GOLGA4: variants seen among roughly 807,000 people sequenced by gnomAD.
GOLGA4 encodes the protein golgin subfamily A member 4.
A neutral mutation model predicts 265.9 loss-of-function variants in GOLGA4; 169 were observed. The observed-to-expected ratio is 0.64, with a 90% CI of 0.56 to 0.72. The LOEUF is 0.72. GOLGA4 is among the 30% of genes least tolerant of loss of function. GOLGA4 has a pLI of 0.00. For missense variants in GOLGA4, 2,482 were observed against 2,483.4 expected (o/e 1.00, Z 0.01); for synonymous variants, 923 against 855.8 (o/e 1.08, Z -1.37).
Position 37,366,462 on chromosome 3 carries a change from G to A in GOLGA4, c.*416G>A, listed in dbSNP as rs958506268. On this transcript the variant is annotated 3_prime_UTR_variant, in exon 24 of 24. Coordinates refer to ENST00000361924, the MANE Select transcript of GOLGA4 (RefSeq NM_002078.5). ...AGACTTGTGCAATACATTTTGAGGTGAAACTTAGTGGATTTTTTCTGATAA... is the reference window on the plus strand; with the variant it reads ...AGACTTGTGCAATACATTTTGAGGTAAAACTTAGTGGATTTTTTCTGATAA... 7 of 205,252 alleles carry A rather than the reference G, an allele frequency of 3.4e-5. No individual in the cohort carries two copies. The highest frequency in any genetic ancestry group is 5.8e-5 in the Non-Finnish European group (6 of 103,446). 12.7% of individuals were successfully genotyped at this position (205,252 alleles called of 1,614,324 possible).
chr3:37,355,234 T>G, intron 22 of GOLGA4, 47 bp downstream of exon 22: 1 of 957,464 alleles, frequency 1.0e-6, no homozygotes, highest in South Asian at 1.3e-5. Flanking sequence ...TTCCCATCTG[T>G]TTATATTCTG....
At chr3:37,363,182 G>C (rs17265928) in intron 23 of GOLGA4, among the ~76,000 whole-genome samples, 1 of 151,828 alleles carries the variant, frequency 6.6e-6, no homozygotes, top group Non-Finnish European at 1.5e-5. Flanking sequence ...ATCCAGAACT[G>C]TCTTATTTTT....
Position 37,259,276 on chromosome 3 carries a change from C to G in GOLGA4, c.162+7792C>G, listed in dbSNP as rs1392340316. Among the ~76,000 whole-genome samples the G allele has an allele frequency of 2.6e-5, 4 of 152,156 alleles. No individual in the cohort carries two copies. In the East Asian group the frequency reaches 7.7e-4, roughly 29 times the overall value. On this transcript the variant is annotated intron_variant, in intron 2 of 23. Transcript: ENST00000361924. The stretch of plus-strand genomic sequence containing the variant: ...TAAATTAAACTAAATTTGGCCTGAG[C>G]CTACCTGTATATCTTGAGTCCCTCT...
intron 20 of GOLGA4, among the ~76,000 whole-genome samples, chr3:37,344,718 A>G (rs1235509451): frequency 6.6e-6 from 1 of 152,072 alleles, no homozygotes; most frequent in African/African-American, 2.4e-5. Flanking sequence ...AGAATTGTTT[A>G]TTCTTAACTC....
At position 37,302,297 on chromosome 3, in the gene GOLGA4, A is replaced by T; in HGVS notation, c.1199A>T (p.Glu400Val). The change falls in exon 10 of 24, where the codon GAA becomes GTA. Residue 400 changes from glutamate (E) to valine (V), a missense_variant. Coordinates refer to ENST00000361924, the MANE Select transcript of GOLGA4 (RefSeq NM_002078.5). ...RIKQMTTQGE[E>V]LREQKEKSER... is the part of the protein sequence containing the mutation. ...AAACAGATGACTACCCAGGGAGAGGAATTACGGGAACAGAAAGAAAAGTCC... is the reference window on the plus strand; with the variant it reads ...AAACAGATGACTACCCAGGGAGAGGTATTACGGGAACAGAAAGAAAAGTCC... The T allele has an allele frequency of 6.2e-7, 1 of 1,613,818 alleles. No individual in the cohort carries two copies. Among genetic ancestry groups the T allele is most frequent in the Non-Finnish European group, 8.5e-7 (1 of 1,179,728 alleles).
At chr3:37,349,372 A>T (rs146222580) in intron 21 of GOLGA4, among the ~76,000 whole-genome samples, 486 of 152,282 alleles carry the variant, frequency 3.2e-3, no homozygotes, top group African/African-American at 0.011. Flanking sequence ...GGAGAACATC[A>T]TGGAGGAGGT....
chr3:37,331,391 G>A (rs1165024055), intron 16 of GOLGA4, among the ~76,000 whole-genome samples: 1 of 152,112 alleles, frequency 6.6e-6, no homozygotes, highest in East Asian at 1.9e-4. Context: ...TAAATAGCCA[G>A]TCCCCATCCA....
At chr3:37,353,987 G>A (rs181289353) in intron 21 of GOLGA4, among the ~76,000 whole-genome samples, 1 of 152,132 alleles carries the variant, frequency 6.6e-6, no homozygotes, top group Admixed American at 6.6e-5. Context: ...TTTGTGAGTG[G>A]GGAGCAGTAT....
At chr3:37,314,276 T>G (rs1369442151) in intron 10 of GOLGA4, among the ~76,000 whole-genome samples, 2 of 152,160 alleles carry the variant, frequency 1.3e-5, no homozygotes, top group East Asian at 3.9e-4. Flanking sequence ...TATGTATTTT[T>G]GGTGCCAAGT....
intron 5 of GOLGA4, among the ~76,000 whole-genome samples, chr3:37,294,593 G>A (rs1377809630): frequency 6.6e-6 from 1 of 151,932 alleles, no homozygotes; most frequent in South Asian, 2.1e-4. Flanking sequence ...CCATTTGTTG[G>A]CCAGGCTGGT....
chr3:37,363,868 G>C (rs180752155), intron 23 of GOLGA4, among the ~76,000 whole-genome samples: 1 of 152,082 alleles, frequency 6.6e-6, no homozygotes, highest in South Asian at 2.1e-4. Flanking sequence ...AAAACGTCTA[G>C]CTTTTTTGTT....
At position 37,328,280 on chromosome 3, in the gene GOLGA4, A is replaced by ACTCTCT. The variant is rs5847960; in HGVS notation, c.5940-120_5940-115dup. On this transcript the variant is annotated intron_variant, in intron 14 of 23. Transcript: ENST00000361924. ...CACACACACACACACTCACTCTCACACTCTCTCTCTCTCTCTCTCTCAAAA... is the reference window on the plus strand; with the variant it reads ...CACACACACACACACTCACTCTCACACTCTCTCTCTCTCTCTCTCTCTCTCTCAAAA... The ACTCTCT allele has an allele frequency of 3.5e-5, 24 of 685,502 alleles. No individual in the cohort carries two copies. In the Middle Eastern group the frequency reaches 8.3e-4, roughly 24 times the overall value. 42.5% of individuals were successfully genotyped at this position (685,502 alleles called of 1,614,324 possible).
chr3:37,348,999 T>C (rs1164281743), intron 21 of GOLGA4, among the ~76,000 whole-genome samples: 1 of 152,112 alleles, frequency 6.6e-6, no homozygotes, highest in East Asian at 1.9e-4. Context: ...AGCAGCCCCA[T>C]CTAATAAGCT....
chr3:37,356,203 A>G (rs2097090601), intron 22 of GOLGA4, among the ~76,000 whole-genome samples: 1 of 152,104 alleles, frequency 6.6e-6, no homozygotes, highest in South Asian at 2.1e-4. Flanking sequence ...GCCTAGATGG[A>G]GGGGTTTTCC....
intron 10 of GOLGA4, among the ~76,000 whole-genome samples, chr3:37,303,459 T>G (rs1248556485): frequency 6.6e-6 from 1 of 152,166 alleles, no homozygotes; most frequent in African/African-American, 2.4e-5. Context: ...CTCCAAAGTT[T>G]TAAGCTTAGG....
At chr3:37,301,565 CAGAT>C (rs949214517) in intron 9 of GOLGA4, among the ~76,000 whole-genome samples, 1 of 152,140 alleles carries the variant, frequency 6.6e-6, no homozygotes, top group Non-Finnish European at 1.5e-5. Context: ...TTTACTAAGA[CAGAT>C]AGCACATTTG....
At chr3:37,311,101 GGT>G (rs2096921983) in intron 10 of GOLGA4, among the ~76,000 whole-genome samples, 1 of 152,150 alleles carries the variant, frequency 6.6e-6, no homozygotes, top group Non-Finnish European at 1.5e-5. Context: ...TACAAGGTCA[GGT>G]GAGATGTTTC....
intron 2 of GOLGA4, among the ~76,000 whole-genome samples, chr3:37,262,667 CG>C (rs1257094171): frequency 6.6e-6 from 1 of 151,878 alleles, no homozygotes; most frequent in Non-Finnish European, 1.5e-5. Context: ...GTTTGGGAGG[CG>C]GAGGCAGGTG....
intron 7 of GOLGA4, among the ~76,000 whole-genome samples, chr3:37,297,970 A>G (rs541623911): frequency 6.6e-6 from 1 of 152,130 alleles, no homozygotes; most frequent in Non-Finnish European, 1.5e-5. Flanking sequence ...TGGAGGTTGC[A>G]GTGAGCCGAG....
Sources: gnomAD v4.1 joint callset for allele counts (sites outside exome capture counted in the v4.1 genomes callset) on GRCh38, gnomAD v4.1.1 for gene constraint, MANE v1.5 for transcripts, NCBI Gene and HGNC (gene_info 2026-07-23, HGNC 2026-07-21) for gene names.